CCDC73: variants seen among roughly 807,000 people sequenced by gnomAD.
CCDC73 encodes coiled-coil domain containing 73.
A neutral mutation model predicts 116.5 loss-of-function variants in CCDC73; 95 were observed. The ratio of observed to expected loss-of-function variants is 0.82; its 90% confidence interval spans 0.69 to 0.97. The LOEUF (loss-of-function observed/expected upper bound fraction) is 0.97. Ranked by LOEUF, CCDC73 falls within the 50% of genes least tolerant of loss-of-function variation. The probability of loss-of-function intolerance (pLI) is 0.00; values close to 1 mark genes in which losing one functional copy is unlikely to be tolerated. For missense variants in CCDC73, 1,066 were observed against 1,206.8 expected, an observed-to-expected ratio of 0.88 and a Z score of 1.73; for synonymous variants, 398 against 401.3, an observed-to-expected ratio of 0.99 and a Z score of 0.10.
chr11:32,636,751 GTTCAT>G (rs1211793921), intron 13 of CCDC73, among the ~76,000 whole-genome samples: 3 of 151,664 alleles, frequency 2.0e-5, no homozygotes, highest in Non-Finnish European at 4.4e-5. Context: ...GTTACTTTCT[GTTCAT>G]TTCATCTATT....
intron 9 of CCDC73, among the ~76,000 whole-genome samples, chr11:32,671,398 CAAAAAAAAA>C (rs58075036): frequency 1.6e-5 from 2 of 122,414 alleles, no homozygotes; most frequent in Non-Finnish European, 3.5e-5. Context: ...AACTTTGCTC[CAAAAAAAAA>C]AAAAAAAAAA....
chr11:32,792,230 G>A (rs1388654329), intron 1 of CCDC73, among the ~76,000 whole-genome samples: 4 of 151,620 alleles, frequency 2.6e-5, no homozygotes, highest in African/African-American at 9.7e-5. Flanking sequence ...TCATTCATGA[G>A]TCAAAAAATC....
intron 2 of CCDC73, among the ~76,000 whole-genome samples, chr11:32,731,317 T>G (rs1850075952): frequency 1.3e-5 from 2 of 152,180 alleles, no homozygotes. Flanking sequence ...CATGGAGGCC[T>G]GCCTGCCTCT....
rs183382455 is a variant in CCDC73 at position 32,732,523 on chromosome 11, G to A, written c.136-14376C>T. Among the ~76,000 whole-genome samples, 1,245 of 152,234 alleles carry A rather than the reference G, an allele frequency of 8.2e-3. 8 individuals carry two copies. The highest frequency in any genetic ancestry group is 0.021 in the Middle Eastern group (6 of 292). ...ATGTTAAGGGCAGCCAGAAAGAAAC[G>A]TCGGGTTACCCACAAAGGGAAGCCC... On this transcript the variant is annotated intron_variant, in intron 2 of 17. Coordinates refer to ENST00000335185, the MANE Select transcript of CCDC73 (RefSeq NM_001008391.4).
the CCDC73 span, among the ~76,000 whole-genome samples, chr11:32,826,964 C>T: frequency 2.6e-5 from 4 of 152,182 alleles, no homozygotes; most frequent in South Asian, 2.1e-4. Context: ...TGGGTTCAAG[C>T]GATTCTCCCG....
intron 2 of CCDC73, among the ~76,000 whole-genome samples, chr11:32,728,894 G>C (rs1394012757): frequency 1.3e-5 from 2 of 152,092 alleles, no homozygotes; most frequent in African/African-American, 2.4e-5. Context: ...TAGTAGAGAT[G>C]GGGTTTCACC....
chr11:32,729,261 A>T (rs1438846821), intron 2 of CCDC73, among the ~76,000 whole-genome samples: 2 of 152,138 alleles, frequency 1.3e-5, no homozygotes, highest in Non-Finnish European at 2.9e-5. Flanking sequence ...ACAAGTGAAA[A>T]TATGCAGTGT....
intron 2 of CCDC73, among the ~76,000 whole-genome samples, chr11:32,737,351 C>A (rs1850142873): frequency 7.2e-5 from 11 of 151,752 alleles, no homozygotes; most frequent in Admixed American, 7.2e-4. Context: ...CACAGTGGCT[C>A]ACACCCATAA....
intron 1 of CCDC73, among the ~76,000 whole-genome samples, chr11:32,767,266 A>G (rs2133383678): frequency 6.6e-6 from 1 of 152,366 alleles, no homozygotes; most frequent in East Asian, 1.9e-4. Context: ...CTGGCTAGCC[A>G]TATGTAGAAA....
At chr11:32,627,440 T>C (rs1311216196) in intron 14 of CCDC73, among the ~76,000 whole-genome samples, 1 of 152,174 alleles carries the variant, frequency 6.6e-6, no homozygotes, top group Non-Finnish European at 1.5e-5. Context: ...GAAGTAGAAA[T>C]ACCATTTGAC....
At position 32,702,891 on chromosome 11, in the gene CCDC73, C is replaced by T. The variant is rs781504976; in HGVS notation, c.261G>A (p.Met87Ile). ...AAATTACCTGCTTTTTAAAAACTGC[C>T]ATTGCTTCCTTGTGTTGCTCTGCCA... ...ETLAEQHKEA[M>I]AVFKKQLQMK... is the part of the protein sequence containing the mutation. The change falls in exon 4 of 18, where the codon ATG becomes ATA. Residue 87 changes from methionine (M) to isoleucine (I), a missense_variant. Met to Ile is a conservative substitution (Grantham distance 10). Coordinates refer to ENST00000335185, the MANE Select transcript of CCDC73 (RefSeq NM_001008391.4). 54 of 1,611,858 alleles carry T rather than the reference C, an allele frequency of 3.4e-5. No homozygotes were observed. Among genetic ancestry groups the T allele is most frequent in the Non-Finnish European group, 4.4e-5 (52 of 1,178,014 alleles).
chr11:32,665,428 CT>C (rs1855971426), intron 9 of CCDC73, among the ~76,000 whole-genome samples: 1 of 152,070 alleles, frequency 6.6e-6, no homozygotes, highest in African/African-American at 2.4e-5. Flanking sequence ...TTCTTTGTCC[CT>C]TTTGATCTTT....
intron 9 of CCDC73, among the ~76,000 whole-genome samples, chr11:32,657,342 G>A (rs748945747): frequency 1.6e-4 from 24 of 152,296 alleles, no homozygotes; most frequent in Non-Finnish European, 3.1e-4. Context: ...AAGTAACCAC[G>A]TGAGTCAAGA....
chr11:32,805,388 A>G, the CCDC73 span, among the ~76,000 whole-genome samples: 1 of 152,216 alleles, frequency 6.6e-6, no homozygotes, highest in African/African-American at 2.4e-5. Flanking sequence ...TATTTCAATC[A>G]TAGTAAATCC....
At chr11:32,804,300 C>T in the CCDC73 span, among the ~76,000 whole-genome samples, 2 of 152,076 alleles carry the variant, frequency 1.3e-5, no homozygotes, top group South Asian at 2.1e-4. Flanking sequence ...CACAACGCTC[C>T]GCTAATTTTT....
intron 1 of CCDC73, among the ~76,000 whole-genome samples, chr11:32,783,289 C>T (rs896861940): frequency 6.6e-6 from 1 of 152,142 alleles, no homozygotes; most frequent in Non-Finnish European, 1.5e-5. Flanking sequence ...GGAATTTTAA[C>T]AGCCATGTCA....
chr11:32,640,882 T>G (rs1374048606), intron 13 of CCDC73, among the ~76,000 whole-genome samples: 1 of 151,902 alleles, frequency 6.6e-6, no homozygotes, highest in Non-Finnish European at 1.5e-5. Context: ...CCGGGCGTGG[T>G]GGCGGGTGCC....
intron 1 of CCDC73, among the ~76,000 whole-genome samples, chr11:32,789,531 G>C (rs1446875604): frequency 6.6e-6 from 1 of 152,140 alleles, no homozygotes; most frequent in Non-Finnish European, 1.5e-5. Flanking sequence ...AGCACTTTGG[G>C]AGGCTAAGGC....
the CCDC73 span, among the ~76,000 whole-genome samples, chr11:32,817,473 G>C: frequency 6.6e-6 from 1 of 152,136 alleles, no homozygotes; most frequent in East Asian, 1.9e-4. Flanking sequence ...AAATTAATGG[G>C]AAAAAGTGGT....
Sources: allele counts gnomAD v4.1 joint callset (sites outside exome capture counted in the v4.1 genomes callset), GRCh38; gene constraint gnomAD v4.1.1; transcripts MANE v1.5; gene names NCBI Gene and HGNC (gene_info 2026-07-23, HGNC 2026-07-21).